Variants in PRSS53 observed in about 807,000 individuals in gnomAD.
PRSS53 encodes serine protease 53, also known as EDTP308.
A neutral mutation model predicts 62.7 loss-of-function variants in PRSS53; 54 were observed. The ratio of observed to expected loss-of-function variants is 0.86; its 90% confidence interval spans 0.69 to 1.08. PRSS53 has a LOEUF of 1.08. Among genes scored for constraint, PRSS53 ranks in the 50% least tolerant of loss-of-function variants. The probability of loss-of-function intolerance (pLI) is 0.00; values close to 1 mark genes in which losing one functional copy is unlikely to be tolerated. For missense variants in PRSS53, 688 were observed against 728.3 expected, an observed-to-expected ratio of 0.94 and a Z score of 0.64; for synonymous variants, 273 against 300.0, an observed-to-expected ratio of 0.91 and a Z score of 0.93.
intron 9 of PRSS53, 84 bp from the exon 10 acceptor site, chr16:31,084,419 T>G (rs1856076749): frequency 6.7e-7 from 1 of 1,502,000 alleles, no homozygotes; most frequent in Non-Finnish European, 9.0e-7. Flanking sequence ...CTCTGGCTGT[T>G]TGGGGGCTAA....
At chr16:31,088,525 G>A (rs750416356) in intron 1 of PRSS53, 1 of 1,418,594 alleles carries the variant, frequency 7.0e-7, no homozygotes, top group Non-Finnish European at 9.2e-7. Context: ...ACACACACAA[G>A]ACCACAGGCC....
rs759089621 is a variant in PRSS53, at chr16:31,087,670, TGGG to T, written c.106_108del (p.Pro36del). 17 of 1,611,760 alleles carry T rather than the reference TGGG, an allele frequency of 1.1e-5. No homozygotes were observed. The East Asian group carries it at 3.6e-4, about 34-fold the overall frequency. On this transcript the variant is annotated inframe_deletion, in exon 3 of 11. Coordinates refer to ENST00000280606, the Ensembl canonical transcript of PRSS53. ...GGGACTGTGTTGCCCTCCTGAGGCTTGGGGGGGCCGGGGCCACGCTGTCCACAG... is the reference window on the plus strand; with the variant it reads ...GGGACTGTGTTGCCCTCCTGAGGCTTGGGGCCGGGGCCACGCTGTCCACAG...
exon 11 of PRSS53, chr16:31,083,751 G>T (rs371892937): frequency 3.1e-6 from 5 of 1,613,970 alleles, no homozygotes; most frequent in Non-Finnish European, 4.2e-6. Flanking sequence ...CCATTTGCCT[G>T]CCTGCATTCT....
chr16:31,085,864 A>C, intron 6 of PRSS53, 100 bp downstream of exon 6: 1 of 1,112,980 alleles, frequency 9.0e-7, no homozygotes, highest in East Asian at 2.4e-5. Flanking sequence ...GAGCCCCCTA[A>C]TTAGGCTCGG....
At chr16:31,085,154 C>G in exon 7 of PRSS53, 3 of 1,611,448 alleles carry the variant, frequency 1.9e-6, no homozygotes, top group Non-Finnish European at 2.5e-6. Context: ...CCTCTGACAC[C>G]AGGGCTCCGC....
intron 3 of PRSS53, 56 bp downstream of exon 3, chr16:31,087,481 A>G: frequency 7.2e-7 from 1 of 1,389,944 alleles, no homozygotes; most frequent in South Asian, 1.2e-5. Flanking sequence ...GGGGCTTGAG[A>G]CAAATTGTCC....
chr16:31,086,200 A>C lies in PRSS53; in HGVS notation c.664-17T>G. On this transcript the variant is annotated splice_polypyrimidine_tract_variant and intron_variant, in intron 5 of 10. Transcript: ENST00000280606. ...GGAATCTCCCTGGAGCCAGGCAACAAAGCCAAGGACAGATGCCTGAGCCCA... is the reference window on the plus strand; with the variant it reads ...GGAATCTCCCTGGAGCCAGGCAACACAGCCAAGGACAGATGCCTGAGCCCA... 2 of 1,607,756 alleles carry C rather than the reference A, an allele frequency of 1.2e-6. No homozygotes were observed. The highest frequency in any genetic ancestry group is 1.7e-6 in the Non-Finnish European group (2 of 1,178,146).
chr16:31,086,823 G>A (rs371524059), exon 4 of PRSS53: 22 of 1,613,414 alleles, frequency 1.4e-5, no homozygotes, highest in Middle Eastern at 1.6e-4. Flanking sequence ...CCACCTCTTC[G>A]GCCCCAGGGC....
chr16:31,088,758 T>G (rs1273632795), exon 1 of PRSS53: 1 of 1,613,510 alleles, frequency 6.2e-7, no homozygotes, highest in African/African-American at 1.3e-5. Flanking sequence ...TTACCCTCCA[T>G]GAGGACTGTG....
exon 1 of PRSS53, chr16:31,088,783 C>T: frequency 1.2e-6 from 2 of 1,613,816 alleles, no homozygotes; most frequent in East Asian, 2.2e-5. Context: ...CCGCGATGAG[C>T]AGCACTGGGC....
chr16:31,087,676 G>T (rs753646889), exon 3 of PRSS53: 22 of 1,612,032 alleles, frequency 1.4e-5, no homozygotes, highest in South Asian at 7.7e-5. Flanking sequence ...GGCTTGGGGG[G>T]GCCGGGGCCA....
chr16:31,084,812 C>A, exon 8 of PRSS53: 1 of 1,539,026 alleles, frequency 6.5e-7, no homozygotes, highest in Non-Finnish European at 8.8e-7. Context: ...CAGAACCCAG[C>A]CACGCTCCCC....
chr16:31,084,234 C>G lies in PRSS53; in HGVS notation c.1527G>C (p.Ala509=), dbSNP rs775174615. Residue 509 remains alanine (A), a synonymous_variant, in exon 10 of 11, where the codon GCG becomes GCC. Transcript: ENST00000280606. ...CATAGGCAGGGAGCGCGGTGAAGAC[C>G]GCCGGCCTGGCGGGGCCTTGGCAAG... The G allele has an allele frequency of 2.5e-6, 4 of 1,611,990 alleles. 1 individual carries two copies. In the Admixed American group the frequency reaches 6.7e-5, roughly 27 times the overall value.
At position 31,088,586 on chromosome 16, in the gene PRSS53, C is replaced by T. The variant is rs528553169; in HGVS notation, c.58+166G>A. ...CGAGAAAATCTCATCCATGTTGACA[C>T]AGGTGGCCACATATACCACCCCACA... On this transcript the variant is annotated intron_variant, in intron 1 of 10. Coordinates refer to ENST00000280606, the Ensembl canonical transcript of PRSS53. 21 of 1,446,444 alleles carry T rather than the reference C, an allele frequency of 1.5e-5. No individual in the cohort carries two copies. In the East Asian group the frequency reaches 4.8e-4, roughly 33 times the overall value. The allele number at this position is 1,446,444 out of a possible 1,614,324, so 89.6% of individuals were successfully genotyped here. A position where few individuals can be genotyped will look rare whatever the true frequency, so the allele number is the denominator to read the frequency against.
intron 3 of PRSS53, 72 bp downstream of exon 3, chr16:31,087,465 C>G: frequency 8.5e-7 from 1 of 1,176,770 alleles, no homozygotes; most frequent in Non-Finnish European, 1.2e-6. Flanking sequence ...CAGGGACTAG[C>G]CTTGTGGGGC....
chr16:31,084,869 C>T (rs2057214930), exon 8 of PRSS53: 5 of 1,548,002 alleles, frequency 3.2e-6, no homozygotes, highest in Non-Finnish European at 4.4e-6. Context: ...GGGCCGCAGG[C>T]TGGCTCCCAG....
At chr16:31,083,719 G>T (rs1596783599) in exon 11 of PRSS53, 1 of 1,612,534 alleles carries the variant, frequency 6.2e-7, no homozygotes, top group Non-Finnish European at 8.5e-7. Flanking sequence ...ATGACAGGGT[G>T]GGGAGGACAG....
At chr16:31,084,808 C>A (rs1244273280) in exon 8 of PRSS53, 22 of 1,541,290 alleles carry the variant, frequency 1.4e-5, no homozygotes, top group Non-Finnish European at 1.8e-5. Flanking sequence ...GTCCCAGAAC[C>A]CAGCCACGCT....
chr16:31,088,772 C>A (rs780474127), exon 1 of PRSS53: 1 of 1,613,820 alleles, frequency 6.2e-7, no homozygotes, highest in Non-Finnish European at 8.5e-7. Flanking sequence ...GACTGTGGCA[C>A]CCGCGATGAG....
Sources: allele counts gnomAD v4.1 joint callset, GRCh38; gene constraint gnomAD v4.1.1; transcripts MANE v1.5; gene names NCBI Gene and HGNC (gene_info 2026-07-23, HGNC 2026-07-21).